The following WDHD1 variants were observed in gnomAD, a reference collection of about 807,000 sequenced individuals.
WDHD1 encodes WD repeat and HMG-box DNA-binding protein 1.
In WDHD1, 111 loss-of-function variants were observed where a neutral mutation model predicts 135.4. That is an observed-to-expected ratio of 0.82 (90% confidence interval 0.70 to 0.96). The LOEUF (loss-of-function observed/expected upper bound fraction) is 0.96, where lower values mean the gene tolerates loss of function less well. WDHD1 is among the 40% of genes least tolerant of loss of function. The pLI is 0.00. For missense variants in WDHD1, 1,351 were observed against 1,336.3 expected (o/e 1.01, Z -0.17); for synonymous variants, 434 against 439.0 (o/e 0.99, Z 0.14).
chr14:55,013,423 T>C (rs2042206871), intron 3 of WDHD1, 62 bp downstream of exon 3: 1 of 1,147,214 alleles, frequency 8.7e-7, no homozygotes, highest in South Asian at 1.3e-5. Flanking sequence ...ATTTTTTCAC[T>C]CAAGCATAAA....
At chr14:54,996,961 T>A (rs1442397588) in intron 10 of WDHD1, among the ~76,000 whole-genome samples, 2 of 151,956 alleles carry the variant, frequency 1.3e-5, no homozygotes, top group African/African-American at 4.8e-5. Context: ...CCAGCTAATT[T>A]TTGTATTTTT....
At chr14:55,004,961 G>C (rs573665332) in intron 7 of WDHD1, 1 of 540,418 alleles carries the variant, frequency 1.9e-6, no homozygotes, top group Admixed American at 1.9e-5. Context: ...CATCAGACCA[G>C]TCTGCAACCT....
chr14:54,962,821 G>C lies in WDHD1; in HGVS notation c.2564C>G (p.Pro855Arg), dbSNP rs1188850914. Residue 855 changes from proline (P) to arginine (R), a missense_variant, in exon 20 of 26, where the codon CCA (proline) becomes CGA (arginine). Pro to Arg is a moderately radical substitution (Grantham distance 103). Transcript: ENST00000360586. ...TTCTTCAACTTGATTTCTGAACCTT[G>C]GTTGGCTCCACTCTGTAGCAGTATT... is the stretch of plus-strand genomic sequence containing the variant. The part of the protein sequence containing the change: ...YSNTATEWSQ[P>R]RFRNQVEEDA... 10 of 1,612,886 alleles carry C rather than the reference G, an allele frequency of 6.2e-6. No individual in the cohort carries two copies. The highest frequency in any genetic ancestry group is 2.2e-5 in the South Asian group (2 of 91,078).
At chr14:54,956,483 C>A (rs574408303) in intron 23 of WDHD1, among the ~76,000 whole-genome samples, 2 of 151,976 alleles carry the variant, frequency 1.3e-5, no homozygotes, top group African/African-American at 2.4e-5. Flanking sequence ...ACTAAAAATA[C>A]CAAAATTAGC....
At position 54,988,918 on chromosome 14, in the gene WDHD1, T is replaced by C. The variant is rs554779440; in HGVS notation, c.1526+110A>G. Reference sequence around the variant, plus strand: ...TGTTTGTACCAAACTCTTCTGAAATTTCATATTACAAAAAATAAATTTTGT... The same window carrying C: ...TGTTTGTACCAAACTCTTCTGAAATCTCATATTACAAAAAATAAATTTTGT... On this transcript the variant is annotated intron_variant, in intron 13 of 25. Transcript: ENST00000360586. 5 of 998,998 alleles carry C rather than the reference T, an allele frequency of 5.0e-6. No homozygotes were observed. The East Asian group carries it at 1.3e-4, about 26-fold the overall frequency. 61.9% of individuals were successfully genotyped at this position (998,998 alleles called of 1,614,324 possible).
chr14:54,987,344 C>A lies in WDHD1; in HGVS notation c.1570G>T (p.Glu524Ter). The A allele has an allele frequency of 6.2e-7, 1 of 1,613,948 alleles. No homozygotes were observed. The highest frequency in any genetic ancestry group is 8.5e-7 in the Non-Finnish European group (1 of 1,179,976). Residue 524 changes from glutamate (E) to a stop codon, truncating the protein, a stop_gained, in exon 14 of 26, where the codon GAG (glutamate) becomes TAG (stop). Transcript: ENST00000360586. LOFTEE classifies it high-confidence loss of function. ...LHFSSWDSSK[E>*]WIIDLPQNED... ...TTCTGAGGCAAGTCTATTATCCACT[C>A]TTTGCTTGAATCCCAAGAACTAAAG...
chr14:55,007,384 T>TA lies in WDHD1; in HGVS notation c.505-10dup, dbSNP rs35349292. ...CAACTAATAGCACATGTCTAATTGG[T>TA]AAAAAAAGAAAATTTCTTTCCTTTA... On this transcript the variant is annotated splice_polypyrimidine_tract_variant and intron_variant, in intron 6 of 25. Coordinates refer to ENST00000360586, the MANE Select transcript of WDHD1 (RefSeq NM_007086.4). 4.4e-4 allele frequency: 683 copies of TA among 1,561,840 alleles called. 1 individual carries two copies. The highest frequency in any genetic ancestry group is 4.8e-4 in the Non-Finnish European group (560 of 1,156,452).
chr14:55,024,104 AAT>A (rs1201678053), intron 2 of WDHD1, among the ~76,000 whole-genome samples: 1 of 152,194 alleles, frequency 6.6e-6, no homozygotes, highest in African/African-American at 2.4e-5. Context: ...AAAATTTTCT[AAT>A]ATGTGTATTG....
Position 54,941,355 on chromosome 14 carries a change from A to G in WDHD1, c.*135T>C. 1.4e-6 allele frequency: 1 copy of G among 709,702 alleles called. No homozygotes were observed. Among genetic ancestry groups the G allele is most frequent in the East Asian group, 2.8e-5 (1 of 35,292 alleles). The allele number at this position is 709,702 out of a possible 1,614,324, so 44.0% of individuals were successfully genotyped here. ...TTACCTACACCAATATAATTACTAC[A>G]TTATCTTATAAAGACAAACAGTTGC... is the stretch of plus-strand genomic sequence containing the variant. On this transcript the variant is annotated 3_prime_UTR_variant, in exon 26 of 26. Coordinates refer to ENST00000360586, the MANE Select transcript of WDHD1 (RefSeq NM_007086.4).
intron 8 of WDHD1, among the ~76,000 whole-genome samples, chr14:55,001,341 A>G (rs2041977872): frequency 6.6e-6 from 1 of 152,200 alleles, no homozygotes; most frequent in Non-Finnish European, 1.5e-5. Context: ...ACTCACTGCA[A>G]CTTTCAACTC....
At chr14:54,958,899 T>C (rs1011738287) in intron 21 of WDHD1, among the ~76,000 whole-genome samples, 3 of 152,224 alleles carry the variant, frequency 2.0e-5, no homozygotes, top group Admixed American at 1.3e-4. Context: ...TTTGTATCTC[T>C]TGACCAGAAT....
intron 24 of WDHD1, among the ~76,000 whole-genome samples, chr14:54,952,347 A>G (rs1163116685): frequency 1.3e-5 from 2 of 152,226 alleles, no homozygotes. Context: ...ATACACCAAT[A>G]ACAGACAAAC....
intron 24 of WDHD1, among the ~76,000 whole-genome samples, chr14:54,951,795 ATCAAGTGGGCT>A (rs2041059142): frequency 6.6e-6 from 1 of 152,222 alleles, no homozygotes; most frequent in Non-Finnish European, 1.5e-5. Context: ...CAAAAAACTT[ATCAAGTGGGCT>A]TCATCTCTGG....
intron 12 of WDHD1, among the ~76,000 whole-genome samples, chr14:54,989,876 C>T (rs1390481663): frequency 6.6e-6 from 1 of 152,072 alleles, no homozygotes; most frequent in African/African-American, 2.4e-5. Context: ...GTTGGCCAGG[C>T]TGGTCTCCAA....
At chr14:54,955,895 C>CTTT (rs71131243) in intron 23 of WDHD1, among the ~76,000 whole-genome samples, 1,586 of 110,024 alleles carry the variant, frequency 0.014, 59 homozygotes, top group African/African-American at 0.036. Context: ...CCATGTTTTC[C>CTTT]TTTTTTTTTT....
intron 16 of WDHD1, among the ~76,000 whole-genome samples, chr14:54,973,909 A>T (rs577557844): frequency 7.0e-4 from 107 of 152,262 alleles, no homozygotes; most frequent in African/African-American, 2.4e-3. Context: ...ACCAATTCGC[A>T]TTTTTTTATC....
intron 25 of WDHD1, among the ~76,000 whole-genome samples, chr14:54,942,834 C>G (rs2040860733): frequency 6.6e-6 from 1 of 152,124 alleles, no homozygotes; most frequent in Admixed American, 6.6e-5. Context: ...TTAGGGTTTA[C>G]CTTAAAAATA....
chr14:54,961,068 A>G (rs1227818595), intron 21 of WDHD1, among the ~76,000 whole-genome samples: 12 of 152,132 alleles, frequency 7.9e-5, no homozygotes, highest in Admixed American at 7.9e-4. Context: ...GCCTCTCAAA[A>G]TGCTGAGGTT....
At chr14:54,966,636 C>T (rs762672299) in intron 17 of WDHD1, 30 bp from the exon 18 acceptor site, 1 of 1,580,244 alleles carries the variant, frequency 6.3e-7, no homozygotes, top group Admixed American at 1.9e-5. Context: ...TGCTTAAGGC[C>T]AACTATCACC....
Sources: allele counts gnomAD v4.1 joint callset (sites outside exome capture counted in the v4.1 genomes callset), GRCh38; gene constraint gnomAD v4.1.1; transcripts MANE v1.5; gene names NCBI Gene and HGNC (gene_info 2026-07-23, HGNC 2026-07-21).